ADGB: variants seen among roughly 807,000 people sequenced by gnomAD.
The protein encoded by ADGB is androglobin.
Under a neutral mutation model 210.5 loss-of-function variants are expected in ADGB, and 172 were observed. The observed-to-expected ratio is 0.82, with a 90% confidence interval of 0.72 to 0.93. The LOEUF is 0.93. Ranked by LOEUF, ADGB falls within the 40% of genes least tolerant of loss-of-function variation. The pLI is 0.00. For missense variants in ADGB, 2,025 were observed against 1,964.8 expected (o/e 1.03, Z -0.58); for synonymous variants, 658 against 662.7 (o/e 0.99, Z 0.11).
At chr6:146,631,241 C>T (rs1454331807) in intron 1 of ADGB, among the ~76,000 whole-genome samples, 1 of 152,176 alleles carries the variant, frequency 6.6e-6, no homozygotes, top group African/African-American at 2.4e-5. Flanking sequence ...CTTAACACTA[C>T]AAAGAATATT....
chr6:146,713,956 G>A (rs6922075), intron 13 of ADGB, among the ~76,000 whole-genome samples: 45,143 of 151,766 alleles, frequency 0.3, 9,268 homozygotes, highest in African/African-American at 0.59. Context: ...TTTTCTAAGA[G>A]CTCTTTCTTG....
At chr6:146,634,439 T>C (rs962919098) in intron 1 of ADGB, among the ~76,000 whole-genome samples, 6 of 152,114 alleles carry the variant, frequency 3.9e-5, no homozygotes, top group African/African-American at 1.4e-4. Context: ...GTCTGTTTTT[T>C]TTAACTGCTT....
chr6:146,667,492 A>G (rs1775952307), intron 7 of ADGB, among the ~76,000 whole-genome samples: 2 of 151,976 alleles, frequency 1.3e-5, no homozygotes, highest in Non-Finnish European at 1.5e-5. Flanking sequence ...GGGAAAACAG[A>G]GTTTCTGTGT....
chr6:146,791,724 C>T (rs1424781365), intron 33 of ADGB, among the ~76,000 whole-genome samples: 1 of 151,940 alleles, frequency 6.6e-6, no homozygotes, highest in Non-Finnish European at 1.5e-5. Flanking sequence ...GAAGAGATTT[C>T]CCTTTCCCAT....
rs187623150 is a variant in ADGB, at chr6:146,742,927, A to G, written c.3177+1656A>G. Among the ~76,000 whole-genome samples, 696 of 151,982 alleles carry G rather than the reference A, an allele frequency of 4.6e-3. 8 individuals carry two copies. Among genetic ancestry groups the G allele is most frequent in the African/African-American group, 0.016 (661 of 41,460 alleles). ...TTCTGAGTTTAGTTAGTGTTAGTGC[A>G]TTTTATGCATGGCCCAAGACAATTC... On this transcript the variant is annotated intron_variant, in intron 25 of 35. Coordinates refer to ENST00000397944, the MANE Select transcript of ADGB (RefSeq NM_024694.4).
chr6:146,741,724 A>C (rs1270965762), intron 25 of ADGB, among the ~76,000 whole-genome samples: 1 of 152,098 alleles, frequency 6.6e-6, no homozygotes, highest in Non-Finnish European at 1.5e-5. Context: ...GAGCTAAATA[A>C]ATTGCTTTAC....
intron 13 of ADGB, among the ~76,000 whole-genome samples, chr6:146,713,007 T>A (rs1195750342): frequency 6.6e-6 from 1 of 152,176 alleles, no homozygotes; most frequent in Non-Finnish European, 1.5e-5. Flanking sequence ...AATAAAGTAT[T>A]TCTGTTTTTG....
chr6:146,707,523 A>T (rs189078735), intron 13 of ADGB, among the ~76,000 whole-genome samples: 1 of 152,194 alleles, frequency 6.6e-6, no homozygotes, highest in East Asian at 1.9e-4. Context: ...CTGATGTTGG[A>T]TGCATACATA....
intron 20 of ADGB, among the ~76,000 whole-genome samples, chr6:146,730,085 A>G (rs559305212): frequency 2.0e-5 from 3 of 152,318 alleles, no homozygotes; most frequent in East Asian, 3.9e-4. Flanking sequence ...CCATATGTGC[A>G]ATATTTAGGA....
intron 1 of ADGB, among the ~76,000 whole-genome samples, chr6:146,634,016 T>C (rs1781101492): frequency 6.6e-6 from 1 of 152,172 alleles, no homozygotes; most frequent in Admixed American, 6.6e-5. Flanking sequence ...CAAGCTCCAC[T>C]CATGGTAAGT....
At chr6:146,724,984 G>C (rs1017385685) in intron 18 of ADGB, 1 of 152,020 alleles carries the variant, frequency 6.6e-6, no homozygotes, top group Non-Finnish European at 1.5e-5. Context: ...TTTTTCCCAA[G>C]ATCAATCATG....
At chr6:146,632,265 C>T (rs1026671752) in intron 1 of ADGB, among the ~76,000 whole-genome samples, 1 of 152,160 alleles carries the variant, frequency 6.6e-6, no homozygotes, top group African/African-American at 2.4e-5. Flanking sequence ...CCACATTCCT[C>T]GGCTTGTGGC....
chr6:146,782,112 A>G lies in ADGB; in HGVS notation c.3955A>G (p.Thr1319Ala). The change falls in exon 30 of 36, where the codon ACA (threonine) becomes GCA (alanine). Residue 1319 changes from threonine (T) to alanine (A), a missense_variant. Transcript: ENST00000397944. The part of the protein sequence containing the change: ...EGQKSSVTSK[T>A]TRKGKEKSSE... ...ACAAAAATCTTCAGTAACTTCCAAA[A>G]CAACAAGGAAAGGCAAAGAAAAGTC... The G allele has an allele frequency of 1.3e-6, 2 of 1,548,814 alleles. No homozygotes were observed. Among genetic ancestry groups the G allele is most frequent in the Non-Finnish European group, 1.7e-6 (2 of 1,145,856 alleles).
intron 25 of ADGB, among the ~76,000 whole-genome samples, chr6:146,744,417 C>A (rs1298036570): frequency 6.6e-6 from 1 of 152,192 alleles, no homozygotes; most frequent in Non-Finnish European, 1.5e-5. Context: ...ACCATGTATG[C>A]AACTTTTACC....
chr6:146,661,263 C>G (rs1775853507), intron 5 of ADGB, among the ~76,000 whole-genome samples: 1 of 127,764 alleles, frequency 7.8e-6, no homozygotes, highest in African/African-American at 2.9e-5. Context: ...CTCTGTCGCT[C>G]AGGCTGGAGT....
chr6:146,775,311 T>C (rs171826), intron 29 of ADGB, among the ~76,000 whole-genome samples: 146,058 of 152,152 alleles, frequency 0.96, 70,131 homozygotes, highest in East Asian at 1. Flanking sequence ...AGAATAAGGC[T>C]TGAAATAATG....
At chr6:146,599,479 C>G (rs1004419459) in intron 1 of ADGB, among the ~76,000 whole-genome samples, 2 of 152,106 alleles carry the variant, frequency 1.3e-5, no homozygotes, top group Admixed American at 6.5e-5. Flanking sequence ...TTCATGGCCC[C>G]GGAAATGATA....
intron 9 of ADGB, among the ~76,000 whole-genome samples, chr6:146,679,692 C>T (rs997530427): frequency 6.6e-6 from 1 of 152,186 alleles, no homozygotes; most frequent in Non-Finnish European, 1.5e-5. Flanking sequence ...TGTTTTCTCT[C>T]CTCTCGATAT....
intron 3 of ADGB, among the ~76,000 whole-genome samples, chr6:146,645,811 A>G (rs545103761): frequency 6.6e-6 from 1 of 152,144 alleles, no homozygotes; most frequent in African/African-American, 2.4e-5. Flanking sequence ...ATATCCTATC[A>G]GCCAGAGCAT....
Sources: allele counts gnomAD v4.1 joint callset (sites outside exome capture counted in the v4.1 genomes callset), GRCh38; gene constraint gnomAD v4.1.1; transcripts MANE v1.5; gene names NCBI Gene and HGNC (gene_info 2026-07-23, HGNC 2026-07-21).